KIF1B: variants seen among roughly 807,000 people sequenced by gnomAD.
KIF1B encodes the protein kinesin family member 1B, also known as kinesin-like protein KIF1B.
In KIF1B, 76 loss-of-function variants were observed where a neutral mutation model predicts 241.9. That is an observed-to-expected ratio of 0.31 (90% CI 0.26 to 0.38). The LOEUF (loss-of-function observed/expected upper bound fraction) is 0.38, where lower values mean the gene tolerates loss of function less well. KIF1B is among the 10% of genes least tolerant of loss of function. KIF1B has a pLI of 1.00. For missense variants in KIF1B, 1,622 were observed against 2,271.4 expected, an observed-to-expected ratio of 0.71 and a Z score of 5.81; for synonymous variants, 750 against 796.7, an observed-to-expected ratio of 0.94 and a Z score of 0.99.
rs1173696086 is a variant in KIF1B at position 10,347,752 on chromosome 1, A to G, written c.3798-9A>G. Reference sequence around the variant, plus strand: ...ACTTAGTTTTTTCTTTTGCGTTTCTATTTTTTAGGTATATCCCAGCTGTGG... The same window carrying G: ...ACTTAGTTTTTTCTTTTGCGTTTCTGTTTTTTAGGTATATCCCAGCTGTGG... On this transcript the variant is annotated splice_polypyrimidine_tract_variant and intron_variant, in intron 35 of 48. Transcript: ENST00000676179. 2.7e-5 allele frequency: 43 copies of G among 1,612,050 alleles called. No individual in the cohort carries two copies. The highest frequency in any genetic ancestry group is 3.5e-5 in the Non-Finnish European group (41 of 1,178,588).
chr1:10,299,630 A>G (rs1250183699), intron 22 of KIF1B, among the ~76,000 whole-genome samples: 1 of 152,186 alleles, frequency 6.6e-6, no homozygotes, highest in Non-Finnish European at 1.5e-5. Context: ...TTTTTGCATA[A>G]TGTCAGCATT....
intron 22 of KIF1B, among the ~76,000 whole-genome samples, chr1:10,310,415 A>T (rs868551241): frequency 6.6e-6 from 1 of 151,626 alleles, no homozygotes; most frequent in Non-Finnish European, 1.5e-5. Context: ...ACTAGATAGT[A>T]AATATTTTAG....
At position 10,303,349 on chromosome 1, in the gene KIF1B, C is replaced by A; in HGVS notation, c.2115+6103C>A. On this transcript the variant is annotated intron_variant, in intron 22 of 48. Transcript: ENST00000676179. This position sits in a 1 kb window ranked among gnomAD's most constrained non-coding sequence, Gnocchi z 5.2. Reference sequence around the variant, plus strand: ...AATGTATCAGATACCCCAAAGAAGGCGCTTGAGTAAAGATTCCAAGTGGGT... The same window carrying A: ...AATGTATCAGATACCCCAAAGAAGGAGCTTGAGTAAAGATTCCAAGTGGGT... The A allele has an allele frequency of 6.2e-7, 1 of 1,614,138 alleles. No individual in the cohort carries two copies. The highest frequency in any genetic ancestry group is 8.5e-7 in the Non-Finnish European group (1 of 1,180,006).
Position 10,329,738 on chromosome 1 carries a change from GA to G in KIF1B, c.2924+3388del, listed in dbSNP as rs35402868. Among the ~76,000 whole-genome samples, 23 of 151,086 alleles carry G rather than the reference GA, an allele frequency of 1.5e-4. No homozygotes were observed. In the South Asian group the frequency reaches 2.1e-3, roughly 14 times the overall value. On this transcript the variant is annotated intron_variant, in intron 27 of 48. Transcript: ENST00000676179. ...ACAGAGCAAAGACTCTGTCTAGGGG[GA>G]AAAAAAAATTAGTTTCTTGTGAAAT... is the stretch of plus-strand genomic sequence containing the variant.
chr1:10,348,687 G>A lies in KIF1B; in HGVS notation c.3903G>A (p.Glu1301=). The change falls in exon 37 of 49, where the codon GAG becomes GAA. Residue 1301 remains glutamate, a synonymous_variant. Transcript: ENST00000676179. ...GGATCACAGTGACCATTATCCATGA[G>A]AAGGGGAGCGAGCTCCATTGGAAAG... is the stretch of plus-strand genomic sequence containing the variant. ...QRRITVTIIH[E]KGSELHWKDV... 6.2e-7 allele frequency: 1 copy of A among 1,614,160 alleles called. No individual in the cohort carries two copies. The highest frequency in any genetic ancestry group is 8.5e-7 in the Non-Finnish European group (1 of 1,180,006).
chr1:10,321,895 G>A, intron 24 of KIF1B, 38 bp downstream of exon 24: 1 of 1,613,086 alleles, frequency 6.2e-7, no homozygotes, highest in East Asian at 2.2e-5. Context: ...TGGAGGCAAA[G>A]CCGAGCCTGC....
At chr1:10,240,415 C>T (rs1260424199) in intron 2 of KIF1B, among the ~76,000 whole-genome samples, 1 of 152,010 alleles carries the variant, frequency 6.6e-6, no homozygotes. Flanking sequence ...ACCATGTTGG[C>T]CAGTCTGGTC....
intron 1 of KIF1B, among the ~76,000 whole-genome samples, chr1:10,219,094 C>T (rs1646805563): frequency 6.6e-6 from 1 of 152,100 alleles, no homozygotes; most frequent in Non-Finnish European, 1.5e-5. Flanking sequence ...AATAGTTTGT[C>T]GAGAGAAACC....
intron 9 of KIF1B, chr1:10,272,524 C>A (rs1177743231): frequency 1.6e-6 from 1 of 617,268 alleles, no homozygotes; most frequent in Non-Finnish European, 2.9e-6. Flanking sequence ...AAATATAGAT[C>A]TGTAAAAACT....
chr1:10,376,263 C>CT lies in KIF1B; in HGVS notation c.5409-279dup, dbSNP rs1638886101. ...CACATGTGCACCAATTATTTTCCTT[C>CT]TTTGTCTTTTTGTTCTCAAGAGTTC... On this transcript the variant is annotated intron_variant, in intron 48 of 48. Coordinates refer to ENST00000676179, the MANE Select transcript of KIF1B (RefSeq NM_001365951.3). Among the ~76,000 whole-genome samples the CT allele has an allele frequency of 2.6e-5, 4 of 152,248 alleles. No individual in the cohort carries two copies. In the South Asian group the frequency reaches 8.3e-4, roughly 32 times the overall value.
chr1:10,295,545 A>G, intron 18 of KIF1B, 115 bp from the exon 19 acceptor site: 5 of 923,610 alleles, frequency 5.4e-6, no homozygotes, highest in Non-Finnish European at 8.9e-6. Context: ...CTGATGCAAC[A>G]AGGCAATACC....
chr1:10,366,668 A>G (rs1638583100), intron 43 of KIF1B, among the ~76,000 whole-genome samples: 1 of 152,114 alleles, frequency 6.6e-6, no homozygotes, highest in African/African-American at 2.4e-5. Context: ...TTAAACAGGT[A>G]TTTGTGTTTT....
At chr1:10,292,211 C>A in intron 17 of KIF1B, 89 bp downstream of exon 17, 2 of 928,110 alleles carry the variant, frequency 2.2e-6, no homozygotes, top group Non-Finnish European at 3.6e-6. Flanking sequence ...TCAGGACCTA[C>A]TCTCCCCCTT....
In KIF1B at chr1:10,337,391, C is replaced by T. The variant is rs1035683321; in HGVS notation, c.3280C>T (p.Leu1094=). 17 of 1,614,056 alleles carry T rather than the reference C, an allele frequency of 1.1e-5. No homozygotes were observed. Among genetic ancestry groups the T allele is most frequent in the Non-Finnish European group, 1.4e-5 (17 of 1,180,048 alleles). The part of the protein sequence containing the change: ...NDLDLKSSTL[L]DGKMVMEGFS... Reference sequence around the variant, plus strand: ...TTTAGATTTGAAGTCAAGCACTTTGCTGGATGGTAAGATGGTAATGGAAGG... The same window carrying T: ...TTTAGATTTGAAGTCAAGCACTTTGTTGGATGGTAAGATGGTAATGGAAGG... Residue 1094 remains leucine (L), a synonymous_variant, in exon 31 of 49, where the codon CTG becomes TTG. Transcript: ENST00000676179. This position sits in a 1 kb window ranked among gnomAD's most constrained non-coding sequence, Gnocchi z 4.0.
intron 2 of KIF1B, among the ~76,000 whole-genome samples, chr1:10,236,201 A>C (rs1468028377): frequency 2.0e-5 from 3 of 151,402 alleles, no homozygotes; most frequent in African/African-American, 7.3e-5. Context: ...AAACCCTGGA[A>C]GCGGAGGTTG....
chr1:10,230,458 C>T (rs552859726), intron 1 of KIF1B, among the ~76,000 whole-genome samples: 7 of 139,872 alleles, frequency 5.0e-5, no homozygotes, highest in Admixed American at 1.5e-4. Flanking sequence ...TTTTTTGAGA[C>T]GGAGTCTCAC....
At chr1:10,363,195 G>C in intron 40 of KIF1B, 88 bp from the exon 41 acceptor site, 1 of 961,668 alleles carries the variant, frequency 1.0e-6, no homozygotes, top group East Asian at 2.4e-5. Flanking sequence ...TCCCTGCAGA[G>C]AAGACACTAT....
At chr1:10,262,399 C>T (rs1648201950) in intron 5 of KIF1B, among the ~76,000 whole-genome samples, 1 of 152,206 alleles carries the variant, frequency 6.6e-6, no homozygotes, top group Non-Finnish European at 1.5e-5. Context: ...ATCTTGCCTC[C>T]TCCACCTCTG....
At chr1:10,280,122 A>C (rs959717484) in intron 14 of KIF1B, among the ~76,000 whole-genome samples, 1 of 152,192 alleles carries the variant, frequency 6.6e-6, no homozygotes, top group Non-Finnish European at 1.5e-5. Flanking sequence ...TTGGTGAGGA[A>C]ATTATTTCTT....
Sources: gnomAD v4.1 joint callset for allele counts (sites outside exome capture counted in the v4.1 genomes callset) on GRCh38, gnomAD v4.1.1 for gene constraint, Gnocchi (gnomAD v3.1) non-coding constraint, MANE v1.5 for transcripts, NCBI Gene and HGNC (gene_info 2026-07-23, HGNC 2026-07-21) for gene names.